C8B: variants seen among roughly 807,000 people sequenced by gnomAD.
C8B encodes complement component C8 beta chain.
In C8B, 67 loss-of-function variants were observed where a neutral mutation model predicts 64.6. The ratio of observed to expected loss-of-function variants is 1.04; its 90% CI spans 0.85 to 1.27. The LOEUF (loss-of-function observed/expected upper bound fraction) is 1.27, where lower values mean the gene tolerates loss of function less well. Among genes scored for constraint, C8B ranks in the 50% most tolerant of loss-of-function variants. The probability of loss-of-function intolerance (pLI) is 0.00; values close to 1 mark genes in which losing one functional copy is unlikely to be tolerated. For missense variants in C8B, 790 were observed against 725.2 expected, an observed-to-expected ratio of 1.09 and a Z score of -1.03; for synonymous variants, 284 against 257.7, an observed-to-expected ratio of 1.10 and a Z score of -0.98.
intron 8 of C8B, among the ~76,000 whole-genome samples, chr1:56,942,929 A>AAAT (rs1415188978): frequency 2.0e-5 from 3 of 150,990 alleles, no homozygotes; most frequent in East Asian, 2.0e-4. Flanking sequence ...AAAATAAAAT[A>AAAT]AATAATAATA....
At chr1:56,963,583 G>T (rs1645209291) in intron 1 of C8B, among the ~76,000 whole-genome samples, 1 of 148,286 alleles carries the variant, frequency 6.7e-6, no homozygotes, top group African/African-American at 2.5e-5. Context: ...GGAGGTTGGG[G>T]GGTGGTGGGG....
chr1:56,957,844 G>A (rs1308638747), intron 2 of C8B, among the ~76,000 whole-genome samples: 7 of 152,026 alleles, frequency 4.6e-5, no homozygotes, highest in African/African-American at 9.7e-5. Context: ...CACACTCATC[G>A]GGAGTCCCTC....
intron 11 of C8B, 116 bp from the exon 12 acceptor site, chr1:56,929,674 C>T: frequency 2.1e-6 from 2 of 948,440 alleles, no homozygotes; most frequent in South Asian, 2.7e-5. Flanking sequence ...CTCTGAGCTC[C>T]CTGCTGCCAT....
chr1:56,952,164 T>C lies in C8B; in HGVS notation c.550A>G (p.Asn184Asp), dbSNP rs543235905. 6.2e-7 allele frequency: 1 copy of C among 1,614,146 alleles called. No homozygotes were observed. The highest frequency in any genetic ancestry group is 8.5e-7 in the Non-Finnish European group (1 of 1,179,990). Reference sequence around the variant, plus strand: ...TCAAGAACTGGGCCCTCAAAACTGTTTGTGAACAAATTTATCCTGTGAGGA... The same window carrying C: ...TCAAGAACTGGGCCCTCAAAACTGTCTGTGAACAAATTTATCCTGTGAGGA... The part of the protein sequence containing the change: ...SLASGINLFT[N>D]SFEGPVLDHR... Residue 184 changes from asparagine to aspartate, a missense_variant, in exon 5 of 12, where the codon AAC (asparagine) becomes GAC (aspartate). Asn to Asp is a conservative substitution (Grantham distance 23). Coordinates refer to ENST00000371237, the MANE Select transcript of C8B (RefSeq NM_000066.4).
At chr1:56,930,014 T>C (rs1377990702) in intron 11 of C8B, among the ~76,000 whole-genome samples, 2 of 152,176 alleles carry the variant, frequency 1.3e-5, no homozygotes, top group Non-Finnish European at 2.9e-5. Context: ...AAAATCTCTA[T>C]TGTGACTGGG....
chr1:56,959,032 G>T (rs756196104), intron 2 of C8B, among the ~76,000 whole-genome samples: 2 of 152,216 alleles, frequency 1.3e-5, no homozygotes, highest in African/African-American at 4.8e-5. Context: ...GAAATTGAGT[G>T]TGTTCACTGG....
At chr1:56,961,217 G>T (rs981012376) in intron 1 of C8B, among the ~76,000 whole-genome samples, 2 of 152,096 alleles carry the variant, frequency 1.3e-5, no homozygotes, top group African/African-American at 4.8e-5. Context: ...CAATTGAAAG[G>T]GTGTATTACA....
At chr1:56,965,272 C>G (rs1308012723) in intron 1 of C8B, among the ~76,000 whole-genome samples, 2 of 152,102 alleles carry the variant, frequency 1.3e-5, no homozygotes, top group Non-Finnish European at 2.9e-5. Flanking sequence ...CAAGTTTGAG[C>G]TCCCACTAGG....
rs758774944 is a variant in C8B, at chr1:56,965,982, G to A, written c.-34C>T. On this transcript the variant is annotated 5_prime_UTR_variant, in exon 1 of 12. Transcript: ENST00000371237. ...TGTGACAGGAGATGCCACAGAGGCT[G>A]CTAGACCCATAACAAGCCTGTGCTG... 6.4e-5 allele frequency: 103 copies of A among 1,612,824 alleles called. No homozygotes were observed. The highest frequency in any genetic ancestry group is 7.5e-5 in the Non-Finnish European group (89 of 1,179,984).
chr1:56,931,726 C>T (rs964374245), intron 11 of C8B, 84 bp downstream of exon 11: 4 of 898,924 alleles, frequency 4.4e-6, no homozygotes, highest in Admixed American at 1.9e-5. Context: ...AGTATCCAGC[C>T]CCACACTCCA....
chr1:56,946,113 G>T, intron 6 of C8B, 52 bp from the exon 7 acceptor site: 1 of 1,607,028 alleles, frequency 6.2e-7, no homozygotes. Flanking sequence ...TAGGAATCTG[G>T]AACGAGAAGA....
rs1421325629 is a variant in C8B at position 56,945,949 on chromosome 1, A to T, written c.977T>A (p.Leu326Gln). Residue 326 changes from leucine (L) to glutamine (Q), a missense_variant, in exon 7 of 12, where the codon CTG (leucine) becomes CAG (glutamine). Coordinates refer to ENST00000371237, the MANE Select transcript of C8B (RefSeq NM_000066.4). ...EFLQRVKRLP[L>Q]EYSYGEYRDL... The stretch of plus-strand genomic sequence containing the variant: ...TCTGTATTCCCCGTAGCTGTACTCC[A>T]GGGGCAGCCGCTTAACTCTCTGAAG... The T allele has an allele frequency of 1.9e-6, 3 of 1,614,112 alleles. No individual in the cohort carries two copies. The Middle Eastern group carries it at 4.9e-4, about 266-fold the overall frequency.
At position 56,954,261 on chromosome 1, in the gene C8B, G is replaced by C. The variant is rs1002442856; in HGVS notation, c.533+425C>G. Among the ~76,000 whole-genome samples, 86 of 152,314 alleles carry C rather than the reference G, an allele frequency of 5.6e-4. 1 individual carries two copies. Among genetic ancestry groups the C allele is most frequent in the African/African-American group, 2.0e-3 (84 of 41,578 alleles). On this transcript the variant is annotated intron_variant, in intron 4 of 11. Coordinates refer to ENST00000371237, the MANE Select transcript of C8B (RefSeq NM_000066.4). ...TGTCTAAATAGAGACCTCTCTTCTT[G>C]GAGGGACCAATGCTGGGAGATAGGG...
In C8B at chr1:56,943,727, G is replaced by C. The variant is rs1440952763; in HGVS notation, c.1203C>G (p.Gly401=). The change falls in exon 8 of 12, where the codon GGC becomes GGG. Residue 401 remains glycine (G), a synonymous_variant. Transcript: ENST00000371237. ...TTTCATTCAGAATACCTCTGCATTT[G>C]CCTACAGACACACCCAGACTGACGT... ...EVYVSLGVSV[G]KCRGILNEIK... 1 of 1,614,062 alleles carries C rather than the reference G, an allele frequency of 6.2e-7. No individual in the cohort carries two copies. Among genetic ancestry groups the C allele is most frequent in the Non-Finnish European group, 8.5e-7 (1 of 1,179,958 alleles).
At chr1:56,956,984 A>G in intron 2 of C8B, 74 bp from the exon 3 acceptor site, 1 of 1,560,530 alleles carries the variant, frequency 6.4e-7, no homozygotes, top group South Asian at 1.1e-5. Context: ...CTCTGTGTAA[A>G]TGGGTCTTGA....
chr1:56,958,717 A>C (rs1327924358), intron 2 of C8B, among the ~76,000 whole-genome samples: 1 of 152,122 alleles, frequency 6.6e-6, no homozygotes, highest in Non-Finnish European at 1.5e-5. Context: ...GAGTCTTCCT[A>C]GTTTATGGTG....
At chr1:56,954,293 C>G (rs1645067558) in intron 4 of C8B, among the ~76,000 whole-genome samples, 1 of 152,112 alleles carries the variant, frequency 6.6e-6, no homozygotes, top group South Asian at 2.1e-4. Context: ...AGGGGCAGAC[C>G]TGGATAAAAC....
chr1:56,944,429 G>A (rs1378761988), intron 7 of C8B, among the ~76,000 whole-genome samples: 1 of 152,164 alleles, frequency 6.6e-6, no homozygotes, highest in Non-Finnish European at 1.5e-5. Flanking sequence ...TCTGAGGCCA[G>A]TTCAGGGAGA....
intron 1 of C8B, chr1:56,963,934 C>T (rs1246188908): frequency 1.0e-6 from 1 of 985,230 alleles, no homozygotes; most frequent in Non-Finnish European, 1.2e-6. Context: ...AAGGTGGTCT[C>T]AGCATTTTCT....
Sources: allele counts gnomAD v4.1 joint callset (sites outside exome capture counted in the v4.1 genomes callset), GRCh38; gene constraint gnomAD v4.1.1; transcripts MANE v1.5; gene names NCBI Gene and HGNC (gene_info 2026-07-23, HGNC 2026-07-21).